IKZF1: variants seen among roughly 807,000 people sequenced by gnomAD.
IKZF1 encodes the protein DNA-binding protein Ikaros.
Under a neutral mutation model 51.7 loss-of-function variants are expected in IKZF1, and 10 were observed. The ratio of observed to expected loss-of-function variants is 0.19; its 90% CI spans 0.12 to 0.33. The LOEUF is 0.33. Among genes scored for constraint, IKZF1 ranks in the 10% least tolerant of loss-of-function variants. IKZF1 has a pLI of 1.00. For missense variants in IKZF1, 484 were observed against 707.5 expected (o/e 0.68, Z 3.58); for synonymous variants, 280 against 282.3 (o/e 0.99, Z 0.08).
At chr7:50,354,467 C>T (rs564248970) in intron 3 of IKZF1, among the ~76,000 whole-genome samples, 1 of 152,330 alleles carries the variant, frequency 6.6e-6, no homozygotes, top group African/African-American at 2.4e-5. Context: ...GGCGAGGGCT[C>T]TGGGTGCCCC....
chr7:50,356,681 G>T (rs1486592438), intron 3 of IKZF1, among the ~76,000 whole-genome samples: 2 of 152,106 alleles, frequency 1.3e-5, no homozygotes, highest in Non-Finnish European at 2.9e-5. Context: ...TTTGTATTTC[G>T]GTTGGGCTGG....
rs761119920 is a variant in IKZF1 at position 50,387,969 on chromosome 7, T to C, written c.715+499T>C. ...CTGCATGGAGTGTGAGGTTGAAGTT[T>C]GTTGGAAGCCCCTGGTAGTTGATAA... On this transcript the variant is annotated intron_variant, in intron 6 of 7. Coordinates refer to ENST00000331340, the MANE Select transcript of IKZF1 (RefSeq NM_006060.6). Among the ~76,000 whole-genome samples, 109 of 152,164 alleles carry C rather than the reference T, an allele frequency of 7.2e-4. 2 individuals carry two copies. Among genetic ancestry groups the C allele is most frequent in the Non-Finnish European group, 1.9e-4 (13 of 68,026 alleles).
chr7:50,319,700 A>G (rs973977538), intron 2 of IKZF1, among the ~76,000 whole-genome samples: 1 of 152,210 alleles, frequency 6.6e-6, no homozygotes, highest in Non-Finnish European at 1.5e-5. Context: ...GTGCATGGAC[A>G]TAGGAAGACA....
intron 3 of IKZF1, among the ~76,000 whole-genome samples, chr7:50,354,286 A>G (rs1289189630): frequency 6.6e-6 from 1 of 152,232 alleles, no homozygotes; most frequent in East Asian, 1.9e-4. Flanking sequence ...TGTGTCATCC[A>G]GTTGGTTACT....
intron 3 of IKZF1, among the ~76,000 whole-genome samples, chr7:50,374,695 C>A (rs369800690): frequency 1.3e-5 from 2 of 152,220 alleles, no homozygotes; most frequent in Non-Finnish European, 2.9e-5. Flanking sequence ...CAGCTAACTT[C>A]TTGTCTGTCA....
At chr7:50,348,247 C>T (rs982299637) in intron 3 of IKZF1, among the ~76,000 whole-genome samples, 14 of 152,060 alleles carry the variant, frequency 9.2e-5, no homozygotes, top group African/African-American at 3.4e-4. Flanking sequence ...AAAATAAATT[C>T]TTTGAAGTCT....
chr7:50,389,417 C>G (rs1814389121), intron 6 of IKZF1, among the ~76,000 whole-genome samples: 1 of 152,154 alleles, frequency 6.6e-6, no homozygotes, highest in Admixed American at 6.5e-5. Flanking sequence ...ATCAATTTCA[C>G]CCTAAAATGT....
In IKZF1 at chr7:50,402,154, A is replaced by G. The variant is rs1283334480; in HGVS notation, c.*1527A>G. 1.3e-5 allele frequency: 3 copies of G among 230,622 alleles called. No individual in the cohort carries two copies. The highest frequency in any genetic ancestry group is 3.6e-4 in the South Asian group (2 of 5,522). 14.3% of individuals were successfully genotyped at this position (230,622 alleles called of 1,614,324 possible). On this transcript the variant is annotated 3_prime_UTR_variant, in exon 8 of 8. Coordinates refer to ENST00000331340, the MANE Select transcript of IKZF1 (RefSeq NM_006060.6). The stretch of plus-strand genomic sequence containing the variant: ...GTCTCCTTCAAGATTAATGCTATCA[A>G]TCATTAAGGTCATTACTCTCAACCA...
chr7:50,357,549 C>T (rs1356700259), intron 3 of IKZF1, among the ~76,000 whole-genome samples: 1 of 152,162 alleles, frequency 6.6e-6, no homozygotes, highest in Non-Finnish European at 1.5e-5. Flanking sequence ...CTGCTGTGCA[C>T]CGTGGCACGT....
intron 2 of IKZF1, among the ~76,000 whole-genome samples, chr7:50,325,609 TAAAAAAATAC>T (rs915177406): frequency 6.6e-6 from 1 of 151,938 alleles, no homozygotes; most frequent in African/African-American, 2.4e-5. Flanking sequence ...CTGTCTCTAC[TAAAAAAATAC>T]AAAAATTTAG....
chr7:50,319,326 C>G (rs1051948016), intron 2 of IKZF1, among the ~76,000 whole-genome samples: 21 of 150,686 alleles, frequency 1.4e-4, no homozygotes, highest in Non-Finnish European at 1.9e-4. Flanking sequence ...TGTTAAACTT[C>G]AGGAAAAAAA....
chr7:50,359,283 A>G (rs1804497314), intron 3 of IKZF1, among the ~76,000 whole-genome samples: 1 of 152,212 alleles, frequency 6.6e-6, no homozygotes, highest in Non-Finnish European at 1.5e-5. Context: ...AAAATAAAAT[A>G]AATTCTGCAA....
At chr7:50,341,905 G>T (rs1365034740) in intron 3 of IKZF1, among the ~76,000 whole-genome samples, 6 of 151,516 alleles carry the variant, frequency 4.0e-5, no homozygotes, top group Admixed American at 6.6e-5. Context: ...GTCACATGCA[G>T]CTAGGGGTTA....
intron 7 of IKZF1, among the ~76,000 whole-genome samples, chr7:50,394,923 T>G (rs76206845): frequency 6.6e-6 from 1 of 152,216 alleles, no homozygotes; most frequent in African/African-American, 2.4e-5. Context: ...AATTGTTGTT[T>G]TTAGTCTGTC....
chr7:50,391,583 G>A, intron 6 of IKZF1, 146 bp from the exon 7 acceptor site: 3 of 1,249,590 alleles, frequency 2.4e-6, no homozygotes, highest in Non-Finnish European at 3.2e-6. Flanking sequence ...TGCCTGTCTG[G>A]AAGTGTTGCT....
chr7:50,404,968 A>G lies in IKZF1; in HGVS notation c.*4341A>G. The stretch of plus-strand genomic sequence containing the variant: ...AGTTATAGTTTGGATGTTAGTATAG[A>G]ATTTTGAAATTGGGAATTAAAAATC... On this transcript the variant is annotated 3_prime_UTR_variant, in exon 8 of 8. Transcript: ENST00000331340. 4.8e-6 allele frequency: 1 copy of G among 206,654 alleles called. No homozygotes were observed. Among genetic ancestry groups the G allele is most frequent in the African/African-American group, 2.3e-5 (1 of 43,880 alleles). 12.8% of individuals were successfully genotyped at this position (206,654 alleles called of 1,614,324 possible). A position where few individuals can be genotyped will look rare whatever the true frequency, so the allele number is the denominator to read the frequency against.
chr7:50,382,033 A>G (rs1386025583), intron 4 of IKZF1, among the ~76,000 whole-genome samples: 1 of 152,230 alleles, frequency 6.6e-6, no homozygotes, highest in Admixed American at 6.5e-5. Context: ...AGTTATTATA[A>G]CTGTTATAAT....
At chr7:50,387,512 C>A (rs758053225) in intron 6 of IKZF1, 42 bp downstream of exon 6, 3 of 1,571,978 alleles carry the variant, frequency 1.9e-6, no homozygotes, top group East Asian at 4.6e-5. Flanking sequence ...GGGCTCTCCC[C>A]CCAGCACGGT....
At chr7:50,373,521 T>C (rs181292090) in intron 3 of IKZF1, among the ~76,000 whole-genome samples, 1 of 152,316 alleles carries the variant, frequency 6.6e-6, no homozygotes, top group Non-Finnish European at 1.5e-5. Flanking sequence ...GGTGTCCTTT[T>C]TCTAGCCTCG....
Sources: allele counts gnomAD v4.1 joint callset (sites outside exome capture counted in the v4.1 genomes callset), GRCh38; gene constraint gnomAD v4.1.1; transcripts MANE v1.5; gene names NCBI Gene and HGNC (gene_info 2026-07-23, HGNC 2026-07-21).